TTC7A: variants seen among roughly 807,000 people sequenced by gnomAD.
TTC7A encodes the protein tetratricopeptide repeat protein 7A.
A neutral mutation model predicts 103.7 loss-of-function variants in TTC7A; 110 were observed. The ratio of observed to expected loss-of-function variants is 1.06; its 90% CI spans 0.91 to 1.24. The LOEUF is 1.24. TTC7A is among the 50% of genes most tolerant of loss of function. The pLI is 0.00. For synonymous variants in TTC7A, 521 were observed against 467.9 expected (o/e 1.11, Z -1.47); for missense variants, 1,340 against 1,116.3 (o/e 1.20, Z -2.86).
intron 17 of TTC7A, chr2:47,050,304 AGGT>A: frequency 3.9e-6 from 2 of 517,572 alleles, no homozygotes; most frequent in East Asian, 6.5e-5. Flanking sequence ...CTGGCTGAAA[AGGT>A]GGCTGTGGAG....
At chr2:46,983,326 A>G (rs921392734) in intron 5 of TTC7A, among the ~76,000 whole-genome samples, 1 of 152,186 alleles carries the variant, frequency 6.6e-6, no homozygotes, top group Non-Finnish European at 1.5e-5. Context: ...CACCTCCACC[A>G]TCTGCTTTTT....
chr2:46,948,821 G>A (rs532508565), intron 1 of TTC7A, among the ~76,000 whole-genome samples: 2 of 152,288 alleles, frequency 1.3e-5, no homozygotes, highest in African/African-American at 4.8e-5. Flanking sequence ...TCCTGAGAGT[G>A]AGGAGGCAAT....
intron 15 of TTC7A, among the ~76,000 whole-genome samples, chr2:47,039,002 T>C (rs1681457151): frequency 6.6e-6 from 1 of 152,152 alleles, no homozygotes; most frequent in Non-Finnish European, 1.5e-5. Context: ...CAAAGATGAC[T>C]GAGAATGACA....
Position 46,941,579 on chromosome 2 carries a change from T to G in TTC7A, c.38T>G (p.Val13Gly), listed in dbSNP as rs1572670757. ...GGCGCGCACGGCTCCTACCTGAAGG[T>G]GGAGAGCGAGCTGGAGCGCTGCCGC... ...AKGAHGSYLK[V>G]ESELERCRAE... Residue 13 changes from valine (V) to glycine (G), a missense_variant, in exon 1 of 20, where the codon GTG becomes GGG. Transcript: ENST00000319190. The surrounding 1 kb of genome is among the most constrained non-coding windows in gnomAD (Gnocchi z 4.2). The G allele has an allele frequency of 1.3e-6, 2 of 1,557,120 alleles. No individual in the cohort carries two copies. The highest frequency in any genetic ancestry group is 1.7e-4 in the Middle Eastern group (1 of 5,944).
At chr2:46,966,105 A>G (rs1488174499) in intron 3 of TTC7A, among the ~76,000 whole-genome samples, 2 of 152,000 alleles carry the variant, frequency 1.3e-5, no homozygotes, top group East Asian at 1.9e-4. Context: ...ATGCGCCACC[A>G]CGCCTGGCTA....
At position 47,060,983 on chromosome 2, in the gene TTC7A, C is replaced by A. The variant is rs745746561; in HGVS notation, c.2355+12C>A. ...TCATGCATAGCCTGGTGAGTCAGAG[C>A]CCCCCGCGCTCCCACCACCTCCTCC... On this transcript the variant is annotated intron_variant, in intron 19 of 19. Coordinates refer to ENST00000319190, the MANE Select transcript of TTC7A (RefSeq NM_020458.4). The A allele has an allele frequency of 6.3e-7, 1 of 1,582,586 alleles. No individual in the cohort carries two copies. Among genetic ancestry groups the A allele is most frequent in the Non-Finnish European group, 8.6e-7 (1 of 1,162,344 alleles).
chr2:47,000,930 G>T (rs769266611), intron 8 of TTC7A, among the ~76,000 whole-genome samples: 11 of 152,236 alleles, frequency 7.2e-5, no homozygotes, highest in Admixed American at 3.3e-4. Flanking sequence ...CCAGCCCAGG[G>T]TCTCTTATGG....
chr2:47,003,337 G>T (rs543136789), intron 8 of TTC7A, among the ~76,000 whole-genome samples: 1 of 152,278 alleles, frequency 6.6e-6, no homozygotes, highest in African/African-American at 2.4e-5. Flanking sequence ...CTCCTGGTGA[G>T]ATGAGTTAGG....
chr2:47,020,555 C>T (rs963331439), intron 11 of TTC7A, among the ~76,000 whole-genome samples: 4 of 152,230 alleles, frequency 2.6e-5, no homozygotes, highest in East Asian at 1.9e-4. Context: ...CCCACTGCCC[C>T]GGCTGGCAGC....
intron 15 of TTC7A, among the ~76,000 whole-genome samples, chr2:47,038,053 C>A (rs1356153445): frequency 6.6e-6 from 1 of 151,932 alleles, no homozygotes; most frequent in Non-Finnish European, 1.5e-5. Flanking sequence ...GAGTTTGAGA[C>A]CAGCCTGACC....
At chr2:46,944,199 A>T (rs1670718714) in intron 1 of TTC7A, among the ~76,000 whole-genome samples, 1 of 152,106 alleles carries the variant, frequency 6.6e-6, no homozygotes. Context: ...AAACAACTTT[A>T]TTATGAAGAA....
chr2:47,008,408 CCTCT>C (rs954192843), intron 10 of TTC7A, among the ~76,000 whole-genome samples: 1 of 152,208 alleles, frequency 6.6e-6, no homozygotes, highest in Non-Finnish European at 1.5e-5. Context: ...GAGTCTTCTG[CCTCT>C]GACTAGCTGG....
At position 46,941,734 on chromosome 2, in the gene TTC7A, G is replaced by T; in HGVS notation, c.184+9G>T. On this transcript the variant is annotated intron_variant, in intron 1 of 19. Coordinates refer to ENST00000319190, the MANE Select transcript of TTC7A (RefSeq NM_020458.4). This position sits in a 1 kb window ranked among gnomAD's most constrained non-coding sequence, Gnocchi z 4.2. ...CACCTTTCCGGACACCGGTGAGTAA[G>T]GGAAGAGGCTGGCTCGCCGGCAGCG... The T allele has an allele frequency of 6.5e-7, 1 of 1,549,182 alleles. No individual in the cohort carries two copies. Among genetic ancestry groups the T allele is most frequent in the Non-Finnish European group, 8.7e-7 (1 of 1,146,598 alleles).
chr2:47,047,338 G>A (rs1682427357), intron 16 of TTC7A: 1 of 1,544,126 alleles, frequency 6.5e-7, no homozygotes, highest in Non-Finnish European at 8.8e-7. Context: ...ACAGAGGAGG[G>A]TAATCAGACA....
At chr2:46,981,393 A>G (rs970638633) in intron 5 of TTC7A, among the ~76,000 whole-genome samples, 1 of 151,828 alleles carries the variant, frequency 6.6e-6, no homozygotes, top group South Asian at 2.1e-4. Context: ...GTGAGCTCAG[A>G]GCTATGTGGG....
At chr2:47,037,629 C>T (rs1357645925) in intron 15 of TTC7A, among the ~76,000 whole-genome samples, 1 of 152,200 alleles carries the variant, frequency 6.6e-6, no homozygotes, top group Non-Finnish European at 1.5e-5. Context: ...CCAAGAGCTT[C>T]AATAACAATA....
At chr2:47,020,492 G>A (rs562810521) in intron 11 of TTC7A, among the ~76,000 whole-genome samples, 27 of 152,324 alleles carry the variant, frequency 1.8e-4, no homozygotes, top group African/African-American at 6.5e-4. Flanking sequence ...CAGAAACCCA[G>A]CTCCCCAGAC....
intron 14 of TTC7A, among the ~76,000 whole-genome samples, chr2:47,027,255 G>A (rs913317801): frequency 1.3e-5 from 2 of 152,230 alleles, no homozygotes; most frequent in African/African-American, 4.8e-5. Context: ...GGGATGAGGA[G>A]GAGAAGGCCA....
intron 2 of TTC7A, among the ~76,000 whole-genome samples, chr2:46,956,409 G>A (rs546866068): frequency 1.4e-4 from 21 of 152,144 alleles, no homozygotes; most frequent in Non-Finnish European, 2.6e-4. Context: ...ATGTACACAA[G>A]AGGACTCCCA....
Sources: allele counts gnomAD v4.1 joint callset (sites outside exome capture counted in the v4.1 genomes callset), GRCh38; gene constraint gnomAD v4.1.1; non-coding constraint Gnocchi (gnomAD v3.1); transcripts MANE v1.5; gene names NCBI Gene and HGNC (gene_info 2026-07-23, HGNC 2026-07-21).